Variants in STK32A observed in about 807,000 individuals in gnomAD.
The protein encoded by STK32A is serine/threonine kinase 32A, also known as serine/threonine-protein kinase 32A.
A neutral mutation model predicts 53.2 loss-of-function variants in STK32A; 41 were observed. The ratio of observed to expected loss-of-function variants is 0.77; its 90% CI spans 0.60 to 1.00. STK32A has a LOEUF of 1.00. Ranked by LOEUF, STK32A falls within the 50% of genes least tolerant of loss-of-function variation. The probability of loss-of-function intolerance (pLI) is 0.00; values close to 1 mark genes in which losing one functional copy is unlikely to be tolerated. For missense variants in STK32A, 458 were observed against 485.8 expected, an observed-to-expected ratio of 0.94 and a Z score of 0.54; for synonymous variants, 166 against 162.8, an observed-to-expected ratio of 1.02 and a Z score of -0.15.
At chr5:147,302,836 T>C (rs1395536536) in intron 4 of STK32A, among the ~76,000 whole-genome samples, 1 of 152,208 alleles carries the variant, frequency 6.6e-6, no homozygotes, top group Non-Finnish European at 1.5e-5. Context: ...TTTATACTTA[T>C]ATTATTAAAC....
At chr5:147,302,050 C>A (rs1753166040) in intron 4 of STK32A, among the ~76,000 whole-genome samples, 1 of 152,092 alleles carries the variant, frequency 6.6e-6, no homozygotes, top group Admixed American at 6.6e-5. Context: ...GATGATGGGC[C>A]TTAAAGTCCC....
intron 4 of STK32A, among the ~76,000 whole-genome samples, chr5:147,301,393 A>G (rs1354170782): frequency 6.6e-6 from 1 of 152,062 alleles, no homozygotes; most frequent in East Asian, 1.9e-4. Flanking sequence ...CCATCTCAAG[A>G]TATGTCAAAT....
intron 8 of STK32A, 94 bp downstream of exon 8, chr5:147,361,708 C>G (rs1756513092): frequency 1.0e-5 from 10 of 954,464 alleles, no homozygotes; most frequent in Non-Finnish European, 1.6e-5. Context: ...AAGCAGTTCA[C>G]TTGAAAGCTG....
chr5:147,348,417 A>G (rs899872323), intron 6 of STK32A, among the ~76,000 whole-genome samples: 1 of 152,170 alleles, frequency 6.6e-6, no homozygotes, highest in Non-Finnish European at 1.5e-5. Flanking sequence ...TTGGCGCCCA[A>G]CCCACAGAGT....
In STK32A at chr5:147,309,096, CGGG is replaced by C. The variant is rs547521641; in HGVS notation, c.261-14800_261-14798del. 1.2e-3 allele frequency among the ~76,000 whole-genome samples: 178 copies of C among 151,866 alleles called. 3 individuals carry two copies. The highest frequency in any genetic ancestry group is 4.1e-3 in the African/African-American group (171 of 41,398). ...AAGAAATTGGTAATGTAGTAAAGAG[CGGG>C]GATGATTGCCAAGTCAGGTCCTGCA... On this transcript the variant is annotated intron_variant, in intron 4 of 12. Coordinates refer to ENST00000397936, the MANE Select transcript of STK32A (RefSeq NM_001112724.2).
At chr5:147,340,434 A>G (rs1377059633) in intron 5 of STK32A, among the ~76,000 whole-genome samples, 2 of 152,232 alleles carry the variant, frequency 1.3e-5, no homozygotes, top group Non-Finnish European at 2.9e-5. Context: ...AAGTTATTTC[A>G]TATTTATTTT....
intron 11 of STK32A, among the ~76,000 whole-genome samples, chr5:147,377,197 C>CT (rs1039033833): frequency 6.6e-6 from 1 of 151,908 alleles, no homozygotes; most frequent in Admixed American, 6.6e-5. Flanking sequence ...CTTTTTGACT[C>CT]TTTTTTTAAG....
chr5:147,248,518 T>C (rs890376585), intron 2 of STK32A, among the ~76,000 whole-genome samples: 4 of 152,218 alleles, frequency 2.6e-5, no homozygotes, highest in Admixed American at 2.0e-4. Context: ...AAAATATGAC[T>C]AGGCAGAATT....
intron 8 of STK32A, among the ~76,000 whole-genome samples, chr5:147,365,705 G>A (rs1256783075): frequency 5.9e-5 from 9 of 151,966 alleles, no homozygotes; most frequent in African/African-American, 2.2e-4. Flanking sequence ...CTGCTTCTGG[G>A]GTTCAGAGCA....
At chr5:147,291,766 T>G (rs781022043) in intron 4 of STK32A, among the ~76,000 whole-genome samples, 2 of 152,152 alleles carry the variant, frequency 1.3e-5, no homozygotes, top group African/African-American at 4.8e-5. Context: ...TGCTATAATT[T>G]TCTTCTGAAC....
At chr5:147,322,561 G>A (rs1754371531) in intron 4 of STK32A, among the ~76,000 whole-genome samples, 3 of 152,188 alleles carry the variant, frequency 2.0e-5, no homozygotes, top group South Asian at 4.1e-4. Context: ...TTGTCACAAG[G>A]AAGTAATGTG....
At chr5:147,304,481 C>T (rs1436901914) in intron 4 of STK32A, among the ~76,000 whole-genome samples, 2 of 152,114 alleles carry the variant, frequency 1.3e-5, no homozygotes, top group Non-Finnish European at 1.5e-5. Context: ...AAGGGAAATT[C>T]AGGGAGTATA....
At chr5:147,331,072 CATT>C (rs1754847206) in intron 5 of STK32A, among the ~76,000 whole-genome samples, 1 of 152,160 alleles carries the variant, frequency 6.6e-6, no homozygotes, top group African/African-American at 2.4e-5. Flanking sequence ...AGTCAATGAT[CATT>C]GAGTGACAGG....
intron 1 of STK32A, among the ~76,000 whole-genome samples, chr5:147,237,649 T>G (rs1198147695): frequency 2.6e-5 from 4 of 152,208 alleles, no homozygotes; most frequent in Non-Finnish European, 5.9e-5. Flanking sequence ...TCTCATACCA[T>G]TTAATTGGTT....
At chr5:147,277,158 T>C (rs1198520750) in intron 2 of STK32A, among the ~76,000 whole-genome samples, 1 of 152,214 alleles carries the variant, frequency 6.6e-6, no homozygotes, top group Non-Finnish European at 1.5e-5. Context: ...AGACAAATTA[T>C]ATACCATTTA....
chr5:147,384,766 G>A lies in STK32A; in HGVS notation c.*783G>A, dbSNP rs1228348293. On this transcript the variant is annotated 3_prime_UTR_variant, in exon 13 of 13. Transcript: ENST00000397936. Reference sequence around the variant, plus strand: ...ACTCCTTCCAAGAAGCATGTTCCTTGAGGGCTAATTGTCCTCTGAAGATTA... The same window carrying A: ...ACTCCTTCCAAGAAGCATGTTCCTTAAGGGCTAATTGTCCTCTGAAGATTA... 3 of 251,992 alleles carry A rather than the reference G, an allele frequency of 1.2e-5. No homozygotes were observed. The highest frequency in any genetic ancestry group is 2.3e-5 in the Non-Finnish European group (3 of 132,926). 15.6% of individuals were successfully genotyped at this position (251,992 alleles called of 1,614,324 possible). A position where few individuals can be genotyped will look rare whatever the true frequency, so the allele number is the denominator to read the frequency against.
chr5:147,400,312 A>G, the STK32A span, among the ~76,000 whole-genome samples: 1 of 152,222 alleles, frequency 6.6e-6, no homozygotes, highest in Non-Finnish European at 1.5e-5. Context: ...GTCTAGACAC[A>G]GACTCATTGC....
chr5:147,242,622 C>T (rs1437580947), intron 2 of STK32A, among the ~76,000 whole-genome samples: 1 of 152,036 alleles, frequency 6.6e-6, no homozygotes, highest in South Asian at 2.1e-4. Context: ...AAGAATAGTT[C>T]AAGAACAGGA....
At chr5:147,290,228 G>T (rs1752536200) in intron 4 of STK32A, among the ~76,000 whole-genome samples, 1 of 152,110 alleles carries the variant, frequency 6.6e-6, no homozygotes, top group Non-Finnish European at 1.5e-5. Flanking sequence ...TGTGTGTGGT[G>T]TGTGGGTATG....
Sources: allele counts gnomAD v4.1 joint callset (sites outside exome capture counted in the v4.1 genomes callset), GRCh38; gene constraint gnomAD v4.1.1; transcripts MANE v1.5; gene names NCBI Gene and HGNC (gene_info 2026-07-23, HGNC 2026-07-21).